Variants in MACC1 observed in about 807,000 individuals in gnomAD.
MACC1 encodes MET transcriptional regulator MACC1, also known as metastasis-associated in colon cancer protein 1.
MACC1 carries 79 observed loss-of-function variants against 70.7 expected under a neutral mutation model. The ratio of observed to expected loss-of-function variants is 1.12; its 90% CI spans 0.93 to 1.35. MACC1 has a LOEUF of 1.35. Among genes scored for constraint, MACC1 ranks in the 40% most tolerant of loss-of-function variants. The pLI, the probability that MACC1 is intolerant of heterozygous loss-of-function variation, is 0.00. For missense variants in MACC1, 1,106 were observed against 978.1 expected (o/e 1.13, Z -1.74); for synonymous variants, 361 against 347.2 (o/e 1.04, Z -0.44).
chr7:20,149,929 T>C (rs1781950045), intron 6 of MACC1, among the ~76,000 whole-genome samples: 1 of 152,206 alleles, frequency 6.6e-6, no homozygotes, highest in South Asian at 2.1e-4. Flanking sequence ...TCTAAGTACT[T>C]GCCCTTAATA....
chr7:20,146,254 A>G (rs1295258545), intron 6 of MACC1, among the ~76,000 whole-genome samples: 1 of 152,168 alleles, frequency 6.6e-6, no homozygotes, highest in African/African-American at 2.4e-5. Flanking sequence ...CAGTTGTTTA[A>G]TTGTCCTTTG....
At chr7:20,187,631 C>A (rs979713837) in intron 1 of MACC1, among the ~76,000 whole-genome samples, 1 of 152,136 alleles carries the variant, frequency 6.6e-6, no homozygotes, top group African/African-American at 2.4e-5. Context: ...ACACTCTGCC[C>A]AATTATTGTA....
At chr7:20,162,750 C>T (rs906134109) in intron 3 of MACC1, among the ~76,000 whole-genome samples, 4 of 152,098 alleles carry the variant, frequency 2.6e-5, no homozygotes, top group African/African-American at 9.7e-5. Flanking sequence ...TTACATTGAT[C>T]ACTATCTCAT....
At chr7:20,146,830 T>C (rs1190777515) in intron 6 of MACC1, among the ~76,000 whole-genome samples, 1 of 152,214 alleles carries the variant, frequency 6.6e-6, no homozygotes, top group African/African-American at 2.4e-5. Context: ...CTCATTTCTA[T>C]CACAAATATT....
intron 1 of MACC1, among the ~76,000 whole-genome samples, chr7:20,187,172 T>C (rs1486338574): frequency 1.3e-5 from 2 of 152,184 alleles, no homozygotes; most frequent in Non-Finnish European, 2.9e-5. Flanking sequence ...TAATTTTGTT[T>C]TACTTTTCTA....
chr7:20,153,325 A>T (rs1174536386), intron 6 of MACC1: 2 of 152,170 alleles, frequency 1.3e-5, no homozygotes, highest in Non-Finnish European at 2.9e-5. Context: ...TTTTCTCCAA[A>T]AATTAATACC....
intron 6 of MACC1, among the ~76,000 whole-genome samples, chr7:20,147,260 A>G (rs1781906155): frequency 6.6e-6 from 1 of 152,232 alleles, no homozygotes; most frequent in Non-Finnish European, 1.5e-5. Flanking sequence ...ATGAAATGCC[A>G]CATGAGTAGA....
chr7:20,210,818 T>C (rs1395649667), intron 1 of MACC1, among the ~76,000 whole-genome samples: 3 of 152,200 alleles, frequency 2.0e-5, no homozygotes, highest in Non-Finnish European at 4.4e-5. Flanking sequence ...TAATTAACTT[T>C]CTCAAAAATA....
In MACC1 at chr7:20,158,469, G is replaced by A. The variant is rs200586124; in HGVS notation, c.1892C>T (p.Thr631Ile). 1.9e-6 allele frequency: 3 copies of A among 1,614,000 alleles called. No homozygotes were observed. The highest frequency in any genetic ancestry group is 1.7e-6 in the Non-Finnish European group (2 of 1,179,992). Residue 631 changes from threonine to isoleucine, a missense_variant, in exon 5 of 7, where the codon ACA (threonine) becomes ATA (isoleucine). By Grantham distance (89) the Thr-to-Ile change is moderately conservative (BLOSUM62 -1). Coordinates refer to ENST00000400331, the MANE Select transcript of MACC1 (RefSeq NM_182762.4). ...QVMFMSDSVFTTRNLLEQIVL... is the reference protein window; with the variant it reads ...QVMFMSDSVFITRNLLEQIVL... ...AATCTGTTCAAGAAGATTTCTGGTT[G>A]TAAAGACACTATCTGACATAAACAT...
intron 1 of MACC1, among the ~76,000 whole-genome samples, chr7:20,188,153 T>G (rs1782618207): frequency 6.6e-6 from 1 of 152,184 alleles, no homozygotes; most frequent in South Asian, 2.1e-4. Context: ...ACCATCCCCA[T>G]GATTCAATTA....
At position 20,158,707 on chromosome 7, in the gene MACC1, T is replaced by C; in HGVS notation, c.1654A>G (p.Asn552Asp). The part of the protein sequence containing the change: ...TFQDKTLNFS[N>D]YGVTLKAVLR... ...ACTGCCTTCAGGGTTACCCCATAGT[T>C]GCTAAAGTTCAATGTTTTATCTTGA... The change falls in exon 5 of 7, where the codon AAC (asparagine) becomes GAC (aspartate). Residue 552 changes from asparagine (N) to aspartate (D), a missense_variant. Coordinates refer to ENST00000400331, the MANE Select transcript of MACC1 (RefSeq NM_182762.4). 6.2e-7 allele frequency: 1 copy of C among 1,613,888 alleles called. No homozygotes were observed. Among genetic ancestry groups the C allele is most frequent in the South Asian group, 1.1e-5 (1 of 91,064 alleles).
intron 6 of MACC1, among the ~76,000 whole-genome samples, chr7:20,146,135 T>C (rs1414943958): frequency 6.8e-6 from 1 of 147,372 alleles, no homozygotes; most frequent in Non-Finnish European, 1.5e-5. Context: ...CACTCCAGCC[T>C]GGATCTCAAA....
chr7:20,171,294 C>T (rs1028838238), intron 1 of MACC1, among the ~76,000 whole-genome samples: 1 of 151,210 alleles, frequency 6.6e-6, no homozygotes, highest in African/African-American at 2.4e-5. Context: ...CTCTGTCGCC[C>T]AGGCTGGAGT....
chr7:20,184,128 A>G (rs1454635503), intron 1 of MACC1, among the ~76,000 whole-genome samples: 3 of 152,164 alleles, frequency 2.0e-5, no homozygotes, highest in Non-Finnish European at 2.9e-5. Flanking sequence ...AAACACACTT[A>G]AAAAAATTAT....
intron 1 of MACC1, among the ~76,000 whole-genome samples, chr7:20,197,607 A>T (rs1240743025): frequency 6.6e-6 from 1 of 152,212 alleles, no homozygotes; most frequent in Non-Finnish European, 1.5e-5. Flanking sequence ...ATAAACTTGG[A>T]CTGAATTTAT....
At chr7:20,175,962 AG>A (rs772453325) in intron 1 of MACC1, among the ~76,000 whole-genome samples, 1 of 152,112 alleles carries the variant, frequency 6.6e-6, no homozygotes, top group Non-Finnish European at 1.5e-5. Context: ...CAGTGTTAGA[AG>A]TGGGTTCTAC....
At chr7:20,145,130 G>T (rs1165494500) in intron 6 of MACC1, among the ~76,000 whole-genome samples, 1 of 152,106 alleles carries the variant, frequency 6.6e-6, no homozygotes, top group Non-Finnish European at 1.5e-5. Flanking sequence ...ATTAACAAAA[G>T]CTATAAGTTT....
Position 20,136,103 on chromosome 7 carries a change from G to T in MACC1, c.*4843C>A, listed in dbSNP as rs73080501. The T allele has an allele frequency of 6.6e-6, 1 of 152,166 alleles. No homozygotes were observed. Among genetic ancestry groups the T allele is most frequent in the Non-Finnish European group, 1.5e-5 (1 of 68,022 alleles). 9.4% of individuals were successfully genotyped at this position (152,166 alleles called of 1,614,324 possible). On this transcript the variant is annotated 3_prime_UTR_variant, in exon 7 of 7. Transcript: ENST00000400331. Reference sequence around the variant, plus strand: ...ATTTATAGACATTTAAACCCAAGGGGAACACTAGAGGTCATTTGGTTCAAG... The same window carrying T: ...ATTTATAGACATTTAAACCCAAGGGTAACACTAGAGGTCATTTGGTTCAAG...
Position 20,213,542 on chromosome 7 carries a change from G to C in MACC1, c.-218+3757C>G, listed in dbSNP as rs191260341. On this transcript the variant is annotated intron_variant, in intron 1 of 6. Transcript: ENST00000400331. ...AATCTATCTAAATGCCCATAATGAT[G>C]GACTGGATAAAGAAAATGTGGTACA... is the stretch of plus-strand genomic sequence containing the variant. Among the ~76,000 whole-genome samples, 27 of 152,144 alleles carry C rather than the reference G, an allele frequency of 1.8e-4. No homozygotes were observed. The East Asian group carries it at 4.3e-3, about 24-fold the overall frequency.
Sources: gnomAD v4.1 joint callset for allele counts (sites outside exome capture counted in the v4.1 genomes callset) on GRCh38, gnomAD v4.1.1 for gene constraint, MANE v1.5 for transcripts, NCBI Gene and HGNC (gene_info 2026-07-23, HGNC 2026-07-21) for gene names.